Variants in MRPL22 observed in about 807,000 individuals in gnomAD.
The protein encoded by MRPL22 is mitochondrial ribosomal protein L22.
In MRPL22, 27 loss-of-function variants were observed where a neutral mutation model predicts 32.4. The ratio of observed to expected loss-of-function variants is 0.83; its 90% CI spans 0.61 to 1.15. The LOEUF is 1.15. MRPL22 is among the 50% of genes most tolerant of loss of function. The pLI, the probability that MRPL22 is intolerant of heterozygous loss-of-function variation, is 0.00. For synonymous variants in MRPL22, 86 were observed against 87.3 expected, an observed-to-expected ratio of 0.99 and a Z score of 0.08; for missense variants, 239 against 260.2, an observed-to-expected ratio of 0.92 and a Z score of 0.56.
chr5:154,953,362 GAAAAAAAAAAAAA>G (rs573134537), intron 3 of MRPL22, among the ~76,000 whole-genome samples: 1,161 of 69,334 alleles, frequency 0.017, 22 homozygotes, highest in African/African-American at 0.058. Flanking sequence ...CGTCTCAGGA[GAAAAAAAAAAAAA>G]AAAAAAAAAA....
chr5:154,943,657 C>T (rs974283966), intron 2 of MRPL22, among the ~76,000 whole-genome samples: 3 of 150,556 alleles, frequency 2.0e-5, no homozygotes, highest in East Asian at 1.9e-4. Context: ...TATACACACA[C>T]ATATATATAT....
At chr5:154,959,865 G>A in intron 5 of MRPL22, 115 bp from the exon 6 acceptor site, 1 of 685,366 alleles carries the variant, frequency 1.5e-6, no homozygotes, top group Non-Finnish European at 2.5e-6. Context: ...TTTTAAAATT[G>A]ACTATGGAAG....
At position 154,968,115 on chromosome 5, in the gene MRPL22, A is replaced by C. The variant is rs747547712; in HGVS notation, c.*1218A>C. 6.6e-6 allele frequency: 1 copy of C among 152,236 alleles called. No homozygotes were observed. Among genetic ancestry groups the C allele is most frequent in the Non-Finnish European group, 1.5e-5 (1 of 68,046 alleles). The allele number at this position is 152,236 out of a possible 1,614,324, so 9.4% of individuals were successfully genotyped here. A position where few individuals can be genotyped will look rare whatever the true frequency, so the allele number is the denominator to read the frequency against. ...TACCACTTTACAAAGGAATAAACCG[A>C]AGCACACAGAATTCAAATAACTATC... On this transcript the variant is annotated 3_prime_UTR_variant, in exon 7 of 7. Coordinates refer to ENST00000523037, the MANE Select transcript of MRPL22 (RefSeq NM_014180.4).
chr5:154,945,422 T>C (rs913007857), intron 2 of MRPL22, among the ~76,000 whole-genome samples: 3 of 152,194 alleles, frequency 2.0e-5, no homozygotes, highest in African/African-American at 7.2e-5. Context: ...CTTTTGGGTT[T>C]GTTAAATCTG....
chr5:154,951,218 C>A (rs1288475419), intron 3 of MRPL22, among the ~76,000 whole-genome samples: 1 of 152,162 alleles, frequency 6.6e-6, no homozygotes. Context: ...CTGATGAGCT[C>A]TTAATGATGG....
At chr5:154,953,153 T>A (rs554750442) in intron 3 of MRPL22, among the ~76,000 whole-genome samples, 1 of 151,876 alleles carries the variant, frequency 6.6e-6, no homozygotes, top group South Asian at 2.1e-4. Flanking sequence ...GGTCAGGAGT[T>A]CAAGCCCAGC....
At chr5:154,953,212 C>T (rs540614622) in intron 3 of MRPL22, among the ~76,000 whole-genome samples, 10 of 151,662 alleles carry the variant, frequency 6.6e-5, no homozygotes, top group South Asian at 4.2e-4. Flanking sequence ...AAAAATTAGC[C>T]GGGTGTGGTG....
Position 154,960,693 on chromosome 5 carries a change from C to G in MRPL22, c.409+644C>G, listed in dbSNP as rs75453720. Reference sequence around the variant, plus strand: ...GATGTGCTGTACAAATGTAAGGAATCTTTTTGCTGCAGACCGTCACACAGT... The same window carrying G: ...GATGTGCTGTACAAATGTAAGGAATGTTTTTGCTGCAGACCGTCACACAGT... On this transcript the variant is annotated intron_variant, in intron 6 of 6. Transcript: ENST00000523037. 9.7e-4 allele frequency among the ~76,000 whole-genome samples: 147 copies of G among 152,284 alleles called. No homozygotes were observed. In the East Asian group the frequency reaches 0.023, roughly 24 times the overall value.
chr5:154,954,446 T>C (rs1443601578), intron 3 of MRPL22, among the ~76,000 whole-genome samples: 1 of 152,260 alleles, frequency 6.6e-6, no homozygotes, highest in Admixed American at 6.5e-5. Flanking sequence ...ATCCTCACTT[T>C]ATCTAATTTG....
chr5:154,954,217 G>A (rs1259604862), intron 3 of MRPL22, among the ~76,000 whole-genome samples: 2 of 151,334 alleles, frequency 1.3e-5, no homozygotes, highest in Non-Finnish European at 2.9e-5. Flanking sequence ...CTCAAACTCC[G>A]GGGCTCAAGC....
rs546142372 is a variant in MRPL22 at position 154,954,692 on chromosome 5, T to C, written c.196-1679T>C. On this transcript the variant is annotated intron_variant, in intron 3 of 6. Transcript: ENST00000523037. The stretch of plus-strand genomic sequence containing the variant: ...CCTTTTTGCCATCCTCTGGTCAGGA[T>C]TACCATTGTTTATATGTGTAAAATT... Among the ~76,000 whole-genome samples, 26 of 152,360 alleles carry C rather than the reference T, an allele frequency of 1.7e-4. No homozygotes were observed. The East Asian group carries it at 4.8e-3, about 28-fold the overall frequency.
chr5:154,954,139 G>T (rs1764601705), intron 3 of MRPL22, among the ~76,000 whole-genome samples: 1 of 151,762 alleles, frequency 6.6e-6, no homozygotes, highest in Admixed American at 6.6e-5. Flanking sequence ...ACAGGTATGT[G>T]CCACCACTCC....
At chr5:154,950,694 A>G (rs1764548199) in intron 2 of MRPL22, 127 bp from the exon 3 acceptor site, 2 of 732,304 alleles carry the variant, frequency 2.7e-6, no homozygotes, top group East Asian at 2.4e-5. Flanking sequence ...TACCTCTAGA[A>G]TATTTCCAGT....
At chr5:154,957,938 A>T in intron 5 of MRPL22, among the ~76,000 whole-genome samples, 1 of 120,352 alleles carries the variant, frequency 8.3e-6, no homozygotes, top group Admixed American at 1.0e-4. Flanking sequence ...TTTTTTTGAG[A>T]CGGAGTCTAG....
At chr5:154,951,032 A>T (rs1474852935) in intron 3 of MRPL22, 94 bp downstream of exon 3, 1 of 809,956 alleles carries the variant, frequency 1.2e-6, no homozygotes, top group East Asian at 2.5e-5. Flanking sequence ...TAAAAAAATT[A>T]TACAACCATT....
intron 2 of MRPL22, among the ~76,000 whole-genome samples, chr5:154,945,509 T>C (rs1442063318): frequency 2.6e-5 from 4 of 152,232 alleles, no homozygotes; most frequent in African/African-American, 7.2e-5. Context: ...GGAACGGATG[T>C]ACATTTGGGA....
rs918282865 is a variant in MRPL22, at chr5:154,967,035, T to C, written c.*138T>C. 2.1e-6 allele frequency: 2 copies of C among 965,362 alleles called. No individual in the cohort carries two copies. The highest frequency in any genetic ancestry group is 3.3e-5 in the African/African-American group (2 of 60,496). The allele number at this position is 965,362 out of a possible 1,614,324, so 59.8% of individuals were successfully genotyped here. ...TATAACTGCTAGTTGTAAATGAATA[T>C]TTATAAGGCTTTGCCCATTTCTTTT... is the stretch of plus-strand genomic sequence containing the variant. On this transcript the variant is annotated 3_prime_UTR_variant, in exon 7 of 7. Transcript: ENST00000523037. This position sits in a 1 kb window ranked among gnomAD's most constrained non-coding sequence, Gnocchi z 4.7.
chr5:154,951,035 C>A, intron 3 of MRPL22, 97 bp downstream of exon 3: 1 of 767,236 alleles, frequency 1.3e-6, no homozygotes, highest in Non-Finnish European at 2.2e-6. Flanking sequence ...AAAAATTATA[C>A]AACCATTCAC....
chr5:154,949,139 C>T (rs555083347), intron 2 of MRPL22, among the ~76,000 whole-genome samples: 19 of 152,198 alleles, frequency 1.2e-4, no homozygotes, highest in South Asian at 2.1e-4. Flanking sequence ...CCATTTCTCT[C>T]AGAAGTTTTG....
Sources: gnomAD v4.1 joint callset for allele counts (sites outside exome capture counted in the v4.1 genomes callset) on GRCh38, gnomAD v4.1.1 for gene constraint, Gnocchi (gnomAD v3.1) non-coding constraint, MANE v1.5 for transcripts, NCBI Gene and HGNC (gene_info 2026-07-23, HGNC 2026-07-21) for gene names.